CYP19A1: variants seen among roughly 807,000 people sequenced by gnomAD.
CYP19A1 encodes the protein aromatase.
CYP19A1 carries 32 observed loss-of-function variants against 44.4 expected under a neutral mutation model. The observed-to-expected ratio is 0.72, with a 90% confidence interval of 0.54 to 0.97. CYP19A1 has a LOEUF of 0.97. Ranked by LOEUF, CYP19A1 falls within the 50% of genes least tolerant of loss-of-function variation. The pLI, the probability that CYP19A1 is intolerant of heterozygous loss-of-function variation, is 0.00. For synonymous variants in CYP19A1, 212 were observed against 215.6 expected (o/e 0.98, Z 0.14); for missense variants, 598 against 637.8 (o/e 0.94, Z 0.67).
At chr15:51,222,656 A>G (rs952793649) in intron 4 of CYP19A1, 131 bp from the exon 5 acceptor site, 42 of 763,096 alleles carry the variant, frequency 5.5e-5, no homozygotes, top group Non-Finnish European at 8.5e-5. Flanking sequence ...GGAAGTTTTC[A>G]TAATATTTTC....
At chr15:51,226,903 A>C (rs1235521498) in intron 4 of CYP19A1, among the ~76,000 whole-genome samples, 1 of 152,132 alleles carries the variant, frequency 6.6e-6, no homozygotes, top group East Asian at 1.9e-4. Context: ...CTCAACTGTT[A>C]AAATCAGAGG....
At chr15:51,286,806 A>G (rs2035713425) in intron 1 of CYP19A1, among the ~76,000 whole-genome samples, 1 of 152,174 alleles carries the variant, frequency 6.6e-6, no homozygotes, top group African/African-American at 2.4e-5. Flanking sequence ...AAAGGCAGGG[A>G]CCCAAGCATA....
At chr15:51,233,760 TTG>T (rs2033198369) in intron 3 of CYP19A1, among the ~76,000 whole-genome samples, 1 of 152,202 alleles carries the variant, frequency 6.6e-6, no homozygotes. Context: ...TAAATTTTTT[TTG>T]TATTCATGAC....
chr15:51,273,419 T>G (rs2035198543), intron 1 of CYP19A1, among the ~76,000 whole-genome samples: 1 of 152,250 alleles, frequency 6.6e-6, no homozygotes, highest in Non-Finnish European at 1.5e-5. Flanking sequence ...CTCATAGATT[T>G]AATAACTTTC....
intron 1 of CYP19A1, among the ~76,000 whole-genome samples, chr15:51,337,001 G>A (rs2036787639): frequency 6.6e-6 from 1 of 151,824 alleles, no homozygotes; most frequent in African/African-American, 2.4e-5. Flanking sequence ...TGCCTCTCAA[G>A]AAATCTCAAG....
chr15:51,249,677 A>C (rs2034224911), intron 1 of CYP19A1, among the ~76,000 whole-genome samples: 1 of 152,234 alleles, frequency 6.6e-6, no homozygotes, highest in Non-Finnish European at 1.5e-5. Flanking sequence ...TTCTCTAGGA[A>C]GACATGTAGA....
intron 2 of CYP19A1, among the ~76,000 whole-genome samples, chr15:51,239,164 A>G (rs952529174): frequency 2.6e-5 from 4 of 152,194 alleles, no homozygotes; most frequent in African/African-American, 7.2e-5. Context: ...TAGGCATGCA[A>G]TGATGGTGGG....
At chr15:51,302,610 C>A (rs1338813298) in intron 1 of CYP19A1, among the ~76,000 whole-genome samples, 5 of 152,180 alleles carry the variant, frequency 3.3e-5, no homozygotes, top group Non-Finnish European at 7.3e-5. Flanking sequence ...CTCTGGCTTT[C>A]CCCTCTCCCC....
intron 7 of CYP19A1, 51 bp from the exon 8 acceptor site, chr15:51,215,283 A>G: frequency 6.2e-7 from 1 of 1,613,224 alleles, no homozygotes; most frequent in Non-Finnish European, 8.5e-7. Flanking sequence ...CAAAGTTTCA[A>G]AAAATGAGGG....
chr15:51,264,570 A>G (rs939161661), intron 1 of CYP19A1, among the ~76,000 whole-genome samples: 1 of 152,180 alleles, frequency 6.6e-6, no homozygotes, highest in Non-Finnish European at 1.5e-5. Flanking sequence ...CACTGAAATT[A>G]TAGAATTTAT....
rs1298352220 is a variant in CYP19A1, at chr15:51,209,315, A to T, written c.*1493T>A. Reference sequence around the variant, plus strand: ...TGAGCTTGGGAGTGAATACAGGGAGACAGGACAGGGAAATGGGGATGGAAA... The same window carrying T: ...TGAGCTTGGGAGTGAATACAGGGAGTCAGGACAGGGAAATGGGGATGGAAA... On this transcript the variant is annotated 3_prime_UTR_variant, in exon 10 of 10. Coordinates refer to ENST00000396402, the MANE Select transcript of CYP19A1 (RefSeq NM_000103.4). 2.0e-5 allele frequency: 3 copies of T among 152,318 alleles called. No individual in the cohort carries two copies. The highest frequency in any genetic ancestry group is 3.4e-3 in the Middle Eastern group (1 of 294). The allele number at this position is 152,318 out of a possible 1,614,324, so 9.4% of individuals were successfully genotyped here. A position where few individuals can be genotyped will look rare whatever the true frequency, so the allele number is the denominator to read the frequency against.
intron 8 of CYP19A1, 63 bp downstream of exon 8, chr15:51,215,007 T>G (rs2031423671): frequency 1.1e-5 from 17 of 1,556,188 alleles, no homozygotes; most frequent in African/African-American, 9.6e-5. Context: ...TCTTAGGACA[T>G]AAGAAATGGA....
intron 1 of CYP19A1, chr15:51,315,831 C>T (rs2036416024): frequency 6.6e-6 from 1 of 152,206 alleles, no homozygotes; most frequent in Non-Finnish European, 1.5e-5. Flanking sequence ...TCATGTTTCC[C>T]TCTCTTCAGA....
intron 1 of CYP19A1, among the ~76,000 whole-genome samples, chr15:51,256,339 C>T (rs933262218): frequency 2.8e-4 from 42 of 152,318 alleles, no homozygotes; most frequent in African/African-American, 9.6e-4. Context: ...GTTTAACAGC[C>T]TATATTTAAG....
At chr15:51,331,657 A>G (rs760144160) in intron 1 of CYP19A1, among the ~76,000 whole-genome samples, 1 of 152,232 alleles carries the variant, frequency 6.6e-6, no homozygotes, top group Non-Finnish European at 1.5e-5. Flanking sequence ...CTCTGTAAAG[A>G]AGAAAGGTAC....
chr15:51,234,099 T>C (rs993725217), intron 3 of CYP19A1, among the ~76,000 whole-genome samples: 1 of 152,088 alleles, frequency 6.6e-6, no homozygotes, highest in Non-Finnish European at 1.5e-5. Flanking sequence ...TCTGGCAAAC[T>C]ATTCAAATAA....
At chr15:51,331,526 T>C (rs2036700616) in intron 1 of CYP19A1, among the ~76,000 whole-genome samples, 1 of 152,198 alleles carries the variant, frequency 6.6e-6, no homozygotes. Context: ...GAGATAAGTA[T>C]AGTTAGCATC....
At position 51,242,777 on chromosome 15, in the gene CYP19A1, A is replaced by G; in HGVS notation, c.136T>C (p.Ser46Pro). The G allele has an allele frequency of 6.4e-7, 1 of 1,560,194 alleles. No individual in the cohort carries two copies. Reference protein sequence around the residue: ...LLVWNYEGTSSIPGPGYCMGI... With the variant: ...LLVWNYEGTSPIPGPGYCMGI... ...TAAATGACTGACTTACCTGGTATTG[A>G]GGATGTGCCCTCATAATTCCACACC... Residue 46 changes from serine (S) to proline (P), a missense_variant, in exon 2 of 10, where the codon TCA (serine) becomes CCA (proline). Physicochemically the swap from Ser to Pro is moderately conservative, Grantham distance 74. Transcript: ENST00000396402.
At chr15:51,212,081 C>T (rs2031052790) in intron 9 of CYP19A1, among the ~76,000 whole-genome samples, 1 of 152,110 alleles carries the variant, frequency 6.6e-6, no homozygotes, top group Non-Finnish European at 1.5e-5. Context: ...ACATTTTGAC[C>T]TATTTTGTGG....
Sources: gnomAD v4.1 joint callset for allele counts (sites outside exome capture counted in the v4.1 genomes callset) on GRCh38, gnomAD v4.1.1 for gene constraint, MANE v1.5 for transcripts, NCBI Gene and HGNC (gene_info 2026-07-23, HGNC 2026-07-21) for gene names.